The following SCAI variants were observed in gnomAD, a reference collection of about 807,000 sequenced individuals.
SCAI encodes suppressor of cancer cell invasion.
Under a neutral mutation model 92.2 loss-of-function variants are expected in SCAI, and 24 were observed. The observed-to-expected ratio is 0.26, with a 90% CI of 0.19 to 0.37. The LOEUF (loss-of-function observed/expected upper bound fraction) is 0.37, where lower values mean the gene tolerates loss of function less well. SCAI is among the 10% of genes least tolerant of loss of function. The pLI, the probability that SCAI is intolerant of heterozygous loss-of-function variation, is 1.00. For synonymous variants in SCAI, 261 were observed against 258.6 expected (o/e 1.01, Z -0.09); for missense variants, 450 against 736.2 (o/e 0.61, Z 4.50).
intron 17 of SCAI, among the ~76,000 whole-genome samples, chr9:124,960,642 A>T (rs1831418594): frequency 6.6e-6 from 1 of 152,224 alleles, no homozygotes; most frequent in Admixed American, 6.5e-5. Flanking sequence ...CAATCACAAG[A>T]GTGACAGCCT....
At chr9:125,042,174 AG>A (rs1198255310) in intron 3 of SCAI, among the ~76,000 whole-genome samples, 1 of 152,228 alleles carries the variant, frequency 6.6e-6, no homozygotes, top group Admixed American at 6.5e-5. Flanking sequence ...GTTATGAATT[AG>A]CTAATCATAT....
Position 125,032,193 on chromosome 9 carries a change from A to ATT in SCAI, c.231-2455_231-2454insAA, listed in dbSNP as rs766382699. 1.8e-3 allele frequency among the ~76,000 whole-genome samples: 200 copies of ATT among 108,900 alleles called. 2 individuals carry two copies. Among genetic ancestry groups the ATT allele is most frequent in the African/African-American group, 5.6e-3 (138 of 24,562 alleles). The allele number at this position is 108,900 out of a possible 152,430, so 71.4% of individuals were successfully genotyped here. On this transcript the variant is annotated intron_variant, in intron 3 of 17. Coordinates refer to ENST00000336505, the MANE Select transcript of SCAI (RefSeq NM_001144877.3). ...TGAATATATATATATATATATATATATATTTTTTTTTTTTTTTGAGATGGA... is the reference window on the plus strand; with the variant it reads ...TGAATATATATATATATATATATATATTTATTTTTTTTTTTTTTTGAGATGGA...
intron 15 of SCAI, 27 bp downstream of exon 15, chr9:124,976,087 G>A (rs760488930): frequency 6.8e-7 from 1 of 1,464,854 alleles, no homozygotes. Context: ...GCAACCTATG[G>A]CTATACCAGG....
At position 125,032,186 on chromosome 9, in the gene SCAI, T is replaced by TAC. The variant is rs1248610525; in HGVS notation, c.231-2448_231-2447insGT. On this transcript the variant is annotated intron_variant, in intron 3 of 17. Coordinates refer to ENST00000336505, the MANE Select transcript of SCAI (RefSeq NM_001144877.3). ...AGTAAAATGAATATATATATATATA[T>TAC]ATATATATATTTTTTTTTTTTTTTG... Among the ~76,000 whole-genome samples the TAC allele has an allele frequency of 2.3e-3, 186 of 81,956 alleles. 2 individuals carry two copies. The highest frequency in any genetic ancestry group is 3.8e-3 in the Non-Finnish European group (153 of 40,610). 53.8% of individuals were successfully genotyped at this position (81,956 alleles called of 152,430 possible).
Position 124,976,024 on chromosome 9 carries a change from TG to T in SCAI, c.1399+89del, listed in dbSNP as rs148657568. ...ACCATAAATCCACACGCGATCATTA[TG>T]GGAGGAAAAAACAAAGATCAGTACT... On this transcript the variant is annotated intron_variant, in intron 15 of 17. Transcript: ENST00000336505. 4,767 of 826,498 alleles carry T rather than the reference TG, an allele frequency of 5.8e-3. 24 individuals are homozygous for T. The highest frequency in any genetic ancestry group is 8.1e-3 in the Non-Finnish European group (3,907 of 483,228). The allele number at this position is 826,498 out of a possible 1,614,324, so 51.2% of individuals were successfully genotyped here. A position where few individuals can be genotyped will look rare whatever the true frequency, so the allele number is the denominator to read the frequency against.
intron 12 of SCAI, among the ~76,000 whole-genome samples, chr9:125,000,379 G>A (rs905444239): frequency 6.6e-6 from 1 of 152,150 alleles, no homozygotes; most frequent in Non-Finnish European, 1.5e-5. Context: ...GTCAGACATG[G>A]TTGCTCATGC....
At chr9:125,006,081 C>T (rs1832500789) in intron 9 of SCAI, among the ~76,000 whole-genome samples, 1 of 152,186 alleles carries the variant, frequency 6.6e-6, no homozygotes, top group African/African-American at 2.4e-5. Flanking sequence ...TGGAAGAAGG[C>T]ATCCTCAATT....
intron 3 of SCAI, among the ~76,000 whole-genome samples, chr9:125,046,764 C>A (rs1833453042): frequency 6.6e-6 from 1 of 151,212 alleles, no homozygotes; most frequent in Admixed American, 6.6e-5. Flanking sequence ...GATCCAGCTT[C>A]TACCAGCAAC....
At chr9:125,062,890 C>T (rs555571484) in intron 2 of SCAI, among the ~76,000 whole-genome samples, 4 of 151,548 alleles carry the variant, frequency 2.6e-5, no homozygotes, top group East Asian at 2.0e-4. Context: ...CATGGTGGCG[C>T]GTGCCTGTAA....
chr9:124,955,316 G>C (rs1831298297), intron 17 of SCAI, among the ~76,000 whole-genome samples: 1 of 151,874 alleles, frequency 6.6e-6, no homozygotes, highest in Non-Finnish European at 1.5e-5. Flanking sequence ...AAGAGAAACA[G>C]CTACTCAGGG....
chr9:125,073,851 G>C (rs1183290818), intron 2 of SCAI, among the ~76,000 whole-genome samples: 2 of 152,024 alleles, frequency 1.3e-5, no homozygotes, highest in East Asian at 3.8e-4. Context: ...TGTATGGTTA[G>C]TCAAATACCC....
At chr9:125,085,090 A>G (rs947447771) in intron 2 of SCAI, among the ~76,000 whole-genome samples, 8 of 152,240 alleles carry the variant, frequency 5.3e-5, no homozygotes, top group Middle Eastern at 3.2e-3. Context: ...ATTACTACCA[A>G]TTAAAAAGGC....
chr9:125,099,410 C>T (rs1834632601), intron 2 of SCAI, among the ~76,000 whole-genome samples: 1 of 151,898 alleles, frequency 6.6e-6, no homozygotes, highest in African/African-American at 2.4e-5. Flanking sequence ...ACTCAGCCCG[C>T]CTAGTAGATG....
At chr9:125,053,948 TA>T (rs1833613087) in intron 3 of SCAI, among the ~76,000 whole-genome samples, 1 of 152,186 alleles carries the variant, frequency 6.6e-6, no homozygotes, top group Admixed American at 6.5e-5. Flanking sequence ...AATGCCTTCC[TA>T]CCTTTAAATC....
At chr9:124,998,920 T>C (rs1158087535) in intron 13 of SCAI, among the ~76,000 whole-genome samples, 1 of 151,678 alleles carries the variant, frequency 6.6e-6, no homozygotes, top group Non-Finnish European at 1.5e-5. Context: ...TATCAGCCTT[T>C]ATCATAAATA....
chr9:125,137,117 T>G (rs1378667991), intron 2 of SCAI, among the ~76,000 whole-genome samples: 2 of 152,158 alleles, frequency 1.3e-5, no homozygotes, highest in African/African-American at 2.4e-5. Context: ...ATAATTCATC[T>G]TTGGGGTCTT....
intron 2 of SCAI, among the ~76,000 whole-genome samples, chr9:125,066,436 T>C (rs998902238): frequency 3.4e-5 from 5 of 148,700 alleles, no homozygotes; most frequent in Admixed American, 2.7e-4. Flanking sequence ...TACCATTTTT[T>C]ATTTTATTTT....
intron 2 of SCAI, among the ~76,000 whole-genome samples, chr9:125,140,574 C>A (rs1163404745): frequency 6.6e-6 from 1 of 151,482 alleles, no homozygotes; most frequent in Non-Finnish European, 1.5e-5. Flanking sequence ...TTATTTACAG[C>A]CAGGCATGGC....
intron 9 of SCAI, among the ~76,000 whole-genome samples, chr9:125,010,616 G>C (rs1409938424): frequency 2.0e-5 from 3 of 152,214 alleles, no homozygotes; most frequent in Non-Finnish European, 2.9e-5. Flanking sequence ...CACAGACAAA[G>C]AAAAAGACAG....
Sources: allele counts gnomAD v4.1 joint callset (sites outside exome capture counted in the v4.1 genomes callset), GRCh38; gene constraint gnomAD v4.1.1; transcripts MANE v1.5; gene names NCBI Gene and HGNC (gene_info 2026-07-23, HGNC 2026-07-21).